The following TECPR2 variants were observed in gnomAD, a reference collection of about 807,000 sequenced individuals.
TECPR2 encodes the protein tectonin beta-propeller repeat-containing protein 2.
TECPR2 carries 65 observed loss-of-function variants against 138.1 expected under a neutral mutation model. The ratio of observed to expected loss-of-function variants is 0.47; its 90% CI spans 0.39 to 0.58. The LOEUF (loss-of-function observed/expected upper bound fraction) is 0.58. Ranked by LOEUF, TECPR2 falls within the 20% of genes least tolerant of loss-of-function variation. The pLI, the probability that TECPR2 is intolerant of heterozygous loss-of-function variation, is 0.00. For synonymous variants in TECPR2, 746 were observed against 749.8 expected (o/e 0.99, Z 0.08); for missense variants, 1,553 against 1,824.5 (o/e 0.85, Z 2.71).
intron 9 of TECPR2, 91 bp from the exon 10 acceptor site, chr14:102,437,931 A>G: frequency 2.1e-6 from 3 of 1,433,938 alleles, no homozygotes; most frequent in Non-Finnish European, 2.8e-6. Context: ...GTCTCGTGTT[A>G]ATGATATCCT....
chr14:102,483,806 T>TG (rs1289146897), intron 17 of TECPR2, among the ~76,000 whole-genome samples: 3 of 148,182 alleles, frequency 2.0e-5, no homozygotes, highest in Non-Finnish European at 4.5e-5. Context: ...TTTTTTTTTT[T>TG]TTTTTTGAGT....
chr14:102,384,687 AT>A (rs1164875306), intron 2 of TECPR2, among the ~76,000 whole-genome samples: 2 of 124,720 alleles, frequency 1.6e-5, no homozygotes, highest in Admixed American at 8.2e-5. Flanking sequence ...AAAAAAAAAT[AT>A]ATATATATAT....
intron 8 of TECPR2, among the ~76,000 whole-genome samples, chr14:102,432,968 C>T (rs541165357): frequency 2.0e-5 from 3 of 148,200 alleles, no homozygotes; most frequent in African/African-American, 7.5e-5. Context: ...CACGCCACTG[C>T]ACTCCAGCCT....
intron 16 of TECPR2, among the ~76,000 whole-genome samples, chr14:102,459,281 T>C (rs1890349578): frequency 6.6e-6 from 1 of 152,110 alleles, no homozygotes; most frequent in South Asian, 2.1e-4. Flanking sequence ...CATTTCTGAG[T>C]AACTCTGGGA....
chr14:102,480,852 T>TTG (rs1157074897), intron 17 of TECPR2, among the ~76,000 whole-genome samples: 3 of 127,606 alleles, frequency 2.4e-5, no homozygotes, highest in Non-Finnish European at 4.8e-5. Flanking sequence ...TTTTTTTTTT[T>TTG]TTTTTTTTTT....
intron 1 of TECPR2, among the ~76,000 whole-genome samples, chr14:102,369,709 A>G (rs1887444641): frequency 6.6e-6 from 1 of 152,102 alleles, no homozygotes; most frequent in Non-Finnish European, 1.5e-5. Context: ...TGGGAGGCCG[A>G]GGCGGGTGGA....
intron 17 of TECPR2, among the ~76,000 whole-genome samples, chr14:102,488,401 G>A (rs999816814): frequency 6.7e-6 from 1 of 150,116 alleles, no homozygotes; most frequent in Non-Finnish European, 1.5e-5. Flanking sequence ...GTGCAATGGC[G>A]CAATCTTGAC....
In TECPR2 at chr14:102,478,416, C is replaced by T. The variant is rs192867902; in HGVS notation, c.3789+13127C>T. On this transcript the variant is annotated intron_variant, in intron 17 of 19. Transcript: ENST00000359520. ...TTTAAATGGGCCGGGTGTGGTGGCT[C>T]ATGCCTATAATCCCAGCACTTTGGG... Among the ~76,000 whole-genome samples, 82 of 151,788 alleles carry T rather than the reference C, an allele frequency of 5.4e-4. 1 individual carries two copies. The highest frequency in any genetic ancestry group is 2.0e-3 in the African/African-American group (81 of 41,446).
rs1050832246 is a variant in TECPR2, at chr14:102,498,805, C to T, written c.*548C>T. 2.3e-5 allele frequency: 13 copies of T among 554,190 alleles called. No individual in the cohort carries two copies. Among genetic ancestry groups the T allele is most frequent in the South Asian group, 8.2e-5 (5 of 60,710 alleles). 34.3% of individuals were successfully genotyped at this position (554,190 alleles called of 1,614,324 possible). ...GACGCTCTGGCCAGGAAGCTGAGGC[C>T]GGGCTTGAGAGGAGAGCGCTGGCCA... On this transcript the variant is annotated 3_prime_UTR_variant, in exon 20 of 20. Coordinates refer to ENST00000359520, the MANE Select transcript of TECPR2 (RefSeq NM_014844.5).
At chr14:102,456,451 G>A (rs570716614) in intron 16 of TECPR2, among the ~76,000 whole-genome samples, 22 of 152,254 alleles carry the variant, frequency 1.4e-4, no homozygotes, top group African/African-American at 5.3e-4. Flanking sequence ...GTTGGGGCAA[G>A]GGAGGTGAAC....
intron 5 of TECPR2, among the ~76,000 whole-genome samples, chr14:102,421,503 A>ATAAC: frequency 6.6e-6 from 1 of 152,164 alleles, no homozygotes; most frequent in African/African-American, 2.4e-5. Context: ...AACCCCGCAA[A>ATAAC]TAACTATCTG....
intron 17 of TECPR2, among the ~76,000 whole-genome samples, chr14:102,473,205 G>A (rs1236206578): frequency 6.6e-6 from 1 of 152,272 alleles, no homozygotes; most frequent in Non-Finnish European, 1.5e-5. Context: ...AGGACCAACT[G>A]CAGGATGGCA....
At chr14:102,452,750 A>C in intron 16 of TECPR2, 123 bp downstream of exon 16, 1 of 751,508 alleles carries the variant, frequency 1.3e-6, no homozygotes, top group Non-Finnish European at 2.2e-6. Flanking sequence ...GGGGGTGTTT[A>C]TAAGCTGCTG....
intron 9 of TECPR2, 82 bp from the exon 10 acceptor site, chr14:102,437,940 C>G: frequency 6.7e-7 from 1 of 1,485,872 alleles, no homozygotes; most frequent in African/African-American, 1.4e-5. Context: ...TAATGATATC[C>G]TCTCACCTTT....
chr14:102,489,932 A>G (rs998879571), intron 17 of TECPR2, among the ~76,000 whole-genome samples: 2 of 151,638 alleles, frequency 1.3e-5, no homozygotes, highest in African/African-American at 4.9e-5. Flanking sequence ...GAAAGGCTTG[A>G]GAAGAATCTA....
rs1039195189 is a variant in TECPR2, at chr14:102,498,616, G to A, written c.*359G>A. ...AGGCCTCCCAGAACCAAGGGTAGCC[G>A]GGCAGCTGGTTTGGCCCAGGGCCTC... On this transcript the variant is annotated 3_prime_UTR_variant, in exon 20 of 20. Coordinates refer to ENST00000359520, the MANE Select transcript of TECPR2 (RefSeq NM_014844.5). 61 of 412,260 alleles carry A rather than the reference G, an allele frequency of 1.5e-4. No individual in the cohort carries two copies. In the East Asian group the frequency reaches 1.6e-3, roughly 11 times the overall value. The allele number at this position is 412,260 out of a possible 1,614,324, so 25.5% of individuals were successfully genotyped here. A position where few individuals can be genotyped will look rare whatever the true frequency, so the allele number is the denominator to read the frequency against.
At chr14:102,406,071 G>GA (rs1888650440) in intron 2 of TECPR2, among the ~76,000 whole-genome samples, 1 of 150,652 alleles carries the variant, frequency 6.6e-6, no homozygotes, top group South Asian at 2.1e-4. Context: ...GCCAGGGGCT[G>GA]GGGGGAGGGA....
At chr14:102,437,148 A>T (rs1889690120) in intron 9 of TECPR2, 7 of 985,494 alleles carry the variant, frequency 7.1e-6, no homozygotes, top group African/African-American at 1.7e-5. Flanking sequence ...TTTTCTTTGA[A>T]GTAGTTAACT....
chr14:102,401,735 G>A (rs1379757141), intron 2 of TECPR2, among the ~76,000 whole-genome samples: 3 of 141,078 alleles, frequency 2.1e-5, no homozygotes, highest in Non-Finnish European at 4.5e-5. Context: ...AACCCGGGAG[G>A]CAGAGCTTGC....
Sources: allele counts gnomAD v4.1 joint callset (sites outside exome capture counted in the v4.1 genomes callset), GRCh38; gene constraint gnomAD v4.1.1; transcripts MANE v1.5; gene names NCBI Gene and HGNC (gene_info 2026-07-23, HGNC 2026-07-21).